MSH6: variants seen among roughly 807,000 people sequenced by gnomAD.
MSH6 encodes the protein mutS homolog 6.
MSH6 carries 85 observed loss-of-function variants against 119.1 expected under a neutral mutation model. The ratio of observed to expected loss-of-function variants is 0.71; its 90% confidence interval spans 0.60 to 0.85. The LOEUF (loss-of-function observed/expected upper bound fraction) is 0.85, where lower values mean the gene tolerates loss of function less well. Among genes scored for constraint, MSH6 ranks in the 40% least tolerant of loss-of-function variants. The pLI is 0.00. For missense variants in MSH6, 2,163 were observed against 1,655.3 expected, an observed-to-expected ratio of 1.31 and a Z score of -5.32; for synonymous variants, 830 against 586.9, an observed-to-expected ratio of 1.41 and a Z score of -5.99.
At chr2:47,804,520 G>GA (rs1269685887) in intron 5 of MSH6, among the ~76,000 whole-genome samples, 2 of 131,480 alleles carry the variant, frequency 1.5e-5, no homozygotes, top group Non-Finnish European at 3.1e-5. Flanking sequence ...TCACCTGAAA[G>GA]AATGTGACAA....
At position 47,799,160 on chromosome 2, in the gene MSH6, G is replaced by A. The variant is rs1669304152; in HGVS notation, c.1177G>A (p.Ala393Thr). The change falls in exon 4 of 10, where the codon GCA becomes ACA. Residue 393 changes from alanine to threonine, a missense_variant. Ala to Thr is a moderately conservative substitution (Grantham distance 58). Transcript: ENST00000234420. ...GAGGCCTGATCACCCCGATTTTGAT[G>A]CATCTACACTCTATGTGCCTGAGGA... ...RRRPDHPDFD[A>T]STLYVPEDFL... 1 of 1,613,256 alleles carries A rather than the reference G, an allele frequency of 6.2e-7. No individual in the cohort carries two copies. The highest frequency in any genetic ancestry group is 1.3e-5 in the African/African-American group (1 of 74,624).
chr2:47,789,219 C>T (rs961098523), intron 1 of MSH6: 7 of 279,984 alleles, frequency 2.5e-5, no homozygotes, highest in Middle Eastern at 1.4e-3. Flanking sequence ...CCACCGCACC[C>T]GGCCCATACT....
intron 7 of MSH6, 58 bp from the exon 8 acceptor site, chr2:47,806,146 T>C (rs949355310): frequency 7.9e-6 from 10 of 1,264,092 alleles, no homozygotes; most frequent in Non-Finnish European, 1.0e-5. Flanking sequence ...TTTGTTTTAA[T>C]TCCTTTTTTG....
rs768095444 is a variant in MSH6 at position 47,799,940 on chromosome 2, G to C, written c.1957G>C (p.Val653Leu). Residue 653 changes from valine to leucine, a missense_variant, in exon 4 of 10, where the codon GTG becomes CTG. Physicochemically the swap from Val to Leu is conservative, Grantham distance 32. Transcript: ENST00000234420. ...FREKLSDGIG[V>L]MLPQVLKGMT... ...GGAAAAGCTAAGTGATGGCATTGGG[G>C]TGATGTTACCCCAGGTGCTTAAAGG... 1.2e-6 allele frequency: 2 copies of C among 1,614,156 alleles called. No individual in the cohort carries two copies. Among genetic ancestry groups the C allele is most frequent in the Admixed American group, 3.3e-5 (2 of 60,014 alleles).
chr2:47,795,491 G>T (rs1330445460), intron 2 of MSH6, among the ~76,000 whole-genome samples: 2 of 145,316 alleles, frequency 1.4e-5, no homozygotes, highest in African/African-American at 5.1e-5. Flanking sequence ...ATCGAGACAG[G>T]GTCTTGCACT....
chr2:47,793,633 A>G lies in MSH6; in HGVS notation c.458-2261A>G, dbSNP rs556356469. ...AAAATAAATAAATAAATAAATAAAT[A>G]AAATAAAATAATAAATAAAGTAAAA... On this transcript the variant is annotated intron_variant, in intron 2 of 9. Transcript: ENST00000234420. Among the ~76,000 whole-genome samples the G allele has an allele frequency of 8.6e-5, 13 of 151,080 alleles. 1 individual carries two copies. In the South Asian group the frequency reaches 2.1e-3, roughly 24 times the overall value.
chr2:47,800,218 T>G lies in MSH6; in HGVS notation c.2235T>G (p.Ile745Met), dbSNP rs556339046. ...CAGTGACATTAAACAACTTGGAGAT[T>G]TTTCTGAATGGAACAAATGGTTCTA... is the stretch of plus-strand genomic sequence containing the variant. ...LDAVTLNNLE[I>M]FLNGTNGSTE... The change falls in exon 4 of 10, where the codon ATT (isoleucine) becomes ATG (methionine). Residue 745 changes from isoleucine to methionine, a missense_variant. Physicochemically the swap from Ile to Met is conservative, Grantham distance 10. Transcript: ENST00000234420. The G allele has an allele frequency of 1.5e-5, 24 of 1,614,076 alleles. No individual in the cohort carries two copies. In the South Asian group the frequency reaches 2.6e-4, roughly 18 times the overall value.
In MSH6 at chr2:47,800,358, T is replaced by A. The variant is rs587779236; in HGVS notation, c.2375T>A (p.Leu792Gln). The A allele has an allele frequency of 6.2e-7, 1 of 1,614,132 alleles. No homozygotes were observed. Among genetic ancestry groups the A allele is most frequent in the Non-Finnish European group, 8.5e-7 (1 of 1,180,034 alleles). Residue 792 changes from leucine (L) to glutamine (Q), a missense_variant, in exon 4 of 10, where the codon CTA becomes CAA. By Grantham distance (113) the Leu-to-Gln change is moderately radical. Transcript: ENST00000234420. ...LCNHYAINDR[L>Q]DAIEDLMVVP... The stretch of plus-strand genomic sequence containing the variant: ...AACCATTATGCTATTAATGATCGTC[T>A]AGATGCCATAGAAGACCTCATGGTT...
chr2:47,806,975 A>AGGAAATTAAACCCTTTTAATTC, downstream of MSH6: 1 of 830,298 alleles, frequency 1.2e-6, no homozygotes, highest in Non-Finnish European at 2.0e-6. Context: ...TTTTCTTTCT[A>AGGAAATTAAACCCTTTTAATTC]GGAAATTAAA....
Position 47,806,876 on chromosome 2 carries a change from A to AGCTTTG in MSH6, c.*17_*22dup. On this transcript the variant is annotated 3_prime_UTR_variant, in exon 10 of 10. Coordinates refer to ENST00000234420, the MANE Select transcript of MSH6 (RefSeq NM_000179.3). Reference sequence around the variant, plus strand: ...GGAATTATAGACTGACTACATTGGAAGCTTTGAGTTGACTTCTGACAAAGG... The same window carrying AGCTTTG: ...GGAATTATAGACTGACTACATTGGAAGCTTTGGCTTTGAGTTGACTTCTGACAAAGG... The AGCTTTG allele has an allele frequency of 6.3e-7, 1 of 1,585,270 alleles. No individual in the cohort carries two copies. The highest frequency in any genetic ancestry group is 8.7e-7 in the Non-Finnish European group (1 of 1,154,170).
chr2:47,791,718 G>A (rs894694092), intron 2 of MSH6, among the ~76,000 whole-genome samples: 1 of 131,064 alleles, frequency 7.6e-6, no homozygotes, highest in African/African-American at 2.9e-5. Context: ...TCACTCTGTT[G>A]CCTAGGCTGG....
intron 3 of MSH6, among the ~76,000 whole-genome samples, chr2:47,796,934 C>A (rs1011641546): frequency 4.6e-5 from 7 of 152,128 alleles, no homozygotes; most frequent in Non-Finnish European, 8.8e-5. Context: ...GCCAAGATCG[C>A]ACCACTGCAT....
Position 47,799,921 on chromosome 2 carries a change from G to T in MSH6, c.1938G>T (p.Lys646Asn), listed in dbSNP as rs758631207. The T allele has an allele frequency of 6.2e-7, 1 of 1,614,202 alleles. No individual in the cohort carries two copies. Among genetic ancestry groups the T allele is most frequent in the Non-Finnish European group, 8.5e-7 (1 of 1,180,040 alleles). Residue 646 changes from lysine (K) to asparagine (N), a missense_variant, in exon 4 of 10, where the codon AAG becomes AAT. By Grantham distance (94) the Lys-to-Asn change is moderately conservative. Transcript: ENST00000234420. ...TLLEEEYFRE[K>N]LSDGIGVMLP... The stretch of plus-strand genomic sequence containing the variant: ...TTGAGGAAGAATATTTTAGGGAAAA[G>T]CTAAGTGATGGCATTGGGGTGATGT...
chr2:47,802,810 T>C (rs1310226436), intron 4 of MSH6, among the ~76,000 whole-genome samples: 1 of 152,196 alleles, frequency 6.6e-6, no homozygotes, highest in Non-Finnish European at 1.5e-5. Context: ...GCACAGGTGT[T>C]CAAAAACCAG....
In MSH6 at chr2:47,806,639, T is replaced by G. The variant is rs774395829; in HGVS notation, c.3989T>G (p.Leu1330Arg). 3 of 1,609,938 alleles carry G rather than the reference T, an allele frequency of 1.9e-6. No homozygotes were observed. Among genetic ancestry groups the G allele is most frequent in the South Asian group, 1.1e-5 (1 of 91,018 alleles). Reference protein sequence around the residue: ...AREFEKMNQSLRLFREVCLAS... With the variant: ...AREFEKMNQSRRLFREVCLAS... ...GAATTTGAGAAGATGAATCAGTCACTACGATTATTTCGGTAACTAACTAAC... is the reference window on the plus strand; with the variant it reads ...GAATTTGAGAAGATGAATCAGTCACGACGATTATTTCGGTAACTAACTAAC... Residue 1330 changes from leucine (L) to arginine (R), a missense_variant, in exon 9 of 10, where the codon CTA becomes CGA. Physicochemically the swap from Leu to Arg is moderately radical, Grantham distance 102 (BLOSUM62 -2). Transcript: ENST00000234420.
In MSH6 at chr2:47,783,328, G is replaced by A. The variant is rs771426932; in HGVS notation, c.95G>A (p.Gly32Asp). The change falls in exon 1 of 10, where the codon GGC becomes GAC. Residue 32 changes from glycine to aspartate, a missense_variant. Physicochemically the swap from Gly to Asp is moderately conservative, Grantham distance 94. Coordinates refer to ENST00000234420, the MANE Select transcript of MSH6 (RefSeq NM_000179.3). Reference protein sequence around the residue: ...KASARASREGGRAAAAPGASP... With the variant: ...KASARASREGDRAAAAPGASP... ...TCGGCCAGGGCCTCACGCGAAGGCGGCCGTGCCGCCGCTGCCCCCGGGGCC... is the reference window on the plus strand; with the variant it reads ...TCGGCCAGGGCCTCACGCGAAGGCGACCGTGCCGCCGCTGCCCCCGGGGCC... 6.2e-7 allele frequency: 1 copy of A among 1,609,762 alleles called. No homozygotes were observed. Among genetic ancestry groups the A allele is most frequent in the Non-Finnish European group, 8.5e-7 (1 of 1,178,488 alleles).
intron 3 of MSH6, among the ~76,000 whole-genome samples, chr2:47,796,705 A>C (rs1427555201): frequency 6.6e-6 from 1 of 152,248 alleles, no homozygotes; most frequent in Non-Finnish European, 1.5e-5. Flanking sequence ...TAATGCCTAT[A>C]ATCCCAGCAC....
In MSH6 at chr2:47,799,641, C is replaced by G. The variant is rs1553413038; in HGVS notation, c.1658C>G (p.Thr553Ser). 1 of 1,614,112 alleles carries G rather than the reference C, an allele frequency of 6.2e-7. No individual in the cohort carries two copies. The highest frequency in any genetic ancestry group is 1.6e-4 in the Middle Eastern group (1 of 6,062). ...KEKEEDSSGH[T>S]RAYGVCFVDT... ...AAAGAGGAAGATTCTTCTGGCCATA[C>G]TCGTGCATATGGTGTGTGCTTTGTT... Residue 553 changes from threonine to serine, a missense_variant, in exon 4 of 10, where the codon ACT becomes AGT. Thr to Ser is a moderately conservative substitution (Grantham distance 58). Transcript: ENST00000234420.
Position 47,799,933 on chromosome 2 carries a change from C to T in MSH6, c.1950C>T (p.Gly650=), listed in dbSNP as rs747380250. ...EEYFREKLSD[G]IGVMLPQVLK... The stretch of plus-strand genomic sequence containing the variant: ...ATTTTAGGGAAAAGCTAAGTGATGG[C>T]ATTGGGGTGATGTTACCCCAGGTGC... The change falls in exon 4 of 10, where the codon GGC becomes GGT. Residue 650 remains glycine, a synonymous_variant. Coordinates refer to ENST00000234420, the MANE Select transcript of MSH6 (RefSeq NM_000179.3). The T allele has an allele frequency of 3.1e-6, 5 of 1,614,134 alleles. No homozygotes were observed. In the Admixed American group the frequency reaches 8.3e-5, roughly 27 times the overall value.
Sources: gnomAD v4.1 joint callset for allele counts (sites outside exome capture counted in the v4.1 genomes callset) on GRCh38, gnomAD v4.1.1 for gene constraint, MANE v1.5 for transcripts, NCBI Gene and HGNC (gene_info 2026-07-23, HGNC 2026-07-21) for gene names.